Variants in UBE2E2 observed in about 807,000 individuals in gnomAD.
The protein encoded by UBE2E2 is ubiquitin-conjugating enzyme E2 E2.
Under a neutral mutation model 24.7 loss-of-function variants are expected in UBE2E2, and 6 were observed. That is an observed-to-expected ratio of 0.24 (90% CI 0.13 to 0.48). The LOEUF is 0.48. Among genes scored for constraint, UBE2E2 ranks in the 20% least tolerant of loss-of-function variants. The pLI, the probability that UBE2E2 is intolerant of heterozygous loss-of-function variation, is 0.99. For synonymous variants in UBE2E2, 104 were observed against 83.6 expected, an observed-to-expected ratio of 1.24 and a Z score of -1.33; for missense variants, 169 against 245.0, an observed-to-expected ratio of 0.69 and a Z score of 2.07.
intron 3 of UBE2E2, among the ~76,000 whole-genome samples, chr3:23,472,447 AAGGTAC>A (rs1699049295): frequency 6.6e-6 from 1 of 152,166 alleles, no homozygotes; most frequent in Admixed American, 6.5e-5. Flanking sequence ...GCAGAAATAC[AAGGTAC>A]TTCCAAGCAC....
At chr3:23,431,378 T>G (rs1698056906) in intron 3 of UBE2E2, among the ~76,000 whole-genome samples, 1 of 152,204 alleles carries the variant, frequency 6.6e-6, no homozygotes, top group African/African-American at 2.4e-5. Flanking sequence ...TTCCTGAATG[T>G]TTCTGCAGCG....
At chr3:23,434,840 A>T (rs2125403536) in intron 3 of UBE2E2, among the ~76,000 whole-genome samples, 1 of 152,230 alleles carries the variant, frequency 6.6e-6, no homozygotes, top group South Asian at 2.1e-4. Context: ...GAAGCAAGTG[A>T]TTTTTTTCCA....
chr3:23,452,029 G>T (rs1698571281), intron 3 of UBE2E2, among the ~76,000 whole-genome samples: 1 of 152,160 alleles, frequency 6.6e-6, no homozygotes, highest in African/African-American at 2.4e-5. Context: ...ATATGGAAAA[G>T]GTTGGTGGTG....
intron 3 of UBE2E2, among the ~76,000 whole-genome samples, chr3:23,360,079 C>T (rs1000730798): frequency 4.6e-5 from 7 of 152,110 alleles, no homozygotes; most frequent in African/African-American, 1.7e-4. Flanking sequence ...TCTTTCAGAT[C>T]AGAAATAGTA....
At chr3:23,503,925 T>C (rs1694367450) in intron 4 of UBE2E2, among the ~76,000 whole-genome samples, 1 of 152,194 alleles carries the variant, frequency 6.6e-6, no homozygotes, top group Non-Finnish European at 1.5e-5. Flanking sequence ...AAAAGTTTAA[T>C]ATGTAAGTAT....
At chr3:23,273,611 T>A (rs1011960047) in intron 3 of UBE2E2, among the ~76,000 whole-genome samples, 4 of 152,222 alleles carry the variant, frequency 2.6e-5, no homozygotes, top group Non-Finnish European at 4.4e-5. Flanking sequence ...AAAAAAAAAT[T>A]GGTTTCATTA....
chr3:23,469,825 C>T (rs1182334449), intron 3 of UBE2E2, among the ~76,000 whole-genome samples: 3 of 152,132 alleles, frequency 2.0e-5, no homozygotes, highest in Admixed American at 6.6e-5. Flanking sequence ...TATTTGAAGT[C>T]CTCTGATTTC....
rs1448375611 is a variant in UBE2E2 at position 23,589,306 on chromosome 3, G to A, written c.509-428G>A. Reference sequence around the variant, plus strand: ...GTTGTTGCACACACCTGTGGTCCCAGCTACTCAGGAGGCTGAGGCAGGAGG... The same window carrying A: ...GTTGTTGCACACACCTGTGGTCCCAACTACTCAGGAGGCTGAGGCAGGAGG... On this transcript the variant is annotated intron_variant, in intron 5 of 5. Coordinates refer to ENST00000396703, the MANE Select transcript of UBE2E2 (RefSeq NM_152653.4). This position sits in a 1 kb window ranked among gnomAD's most constrained non-coding sequence, Gnocchi z 4.1. Among the ~76,000 whole-genome samples the A allele has an allele frequency of 2.0e-5, 3 of 151,922 alleles. No individual in the cohort carries two copies. Among genetic ancestry groups the A allele is most frequent in the African/African-American group, 7.3e-5 (3 of 41,354 alleles).
intron 4 of UBE2E2, among the ~76,000 whole-genome samples, chr3:23,527,369 A>G (rs1418647927): frequency 6.6e-6 from 1 of 152,244 alleles, no homozygotes; most frequent in African/African-American, 2.4e-5. Context: ...AGATGTTCAT[A>G]GCAGCTTTAT....
At chr3:23,410,601 A>T (rs1327026902) in intron 3 of UBE2E2, among the ~76,000 whole-genome samples, 1 of 152,204 alleles carries the variant, frequency 6.6e-6, no homozygotes, top group Non-Finnish European at 1.5e-5. Context: ...TACTAATTTT[A>T]TTCCCGAAAT....
At chr3:23,534,114 A>C in intron 5 of UBE2E2, 2 of 858,624 alleles carry the variant, frequency 2.3e-6, no homozygotes, top group Non-Finnish European at 2.8e-6. Context: ...TTTGGAGGTA[A>C]TGTTGCAAGA....
At chr3:23,500,685 C>A (rs1164870027) in intron 4 of UBE2E2, among the ~76,000 whole-genome samples, 2 of 152,202 alleles carry the variant, frequency 1.3e-5, no homozygotes. Context: ...CCATGACTTT[C>A]TATAATTCCC....
chr3:23,367,638 G>A (rs868212076), intron 3 of UBE2E2, among the ~76,000 whole-genome samples: 8 of 152,144 alleles, frequency 5.3e-5, no homozygotes, highest in African/African-American at 1.9e-4. Flanking sequence ...GTAAGCTTAA[G>A]TATTTGTGTG....
At chr3:23,440,481 C>T (rs751120355) in intron 3 of UBE2E2, among the ~76,000 whole-genome samples, 1 of 152,156 alleles carries the variant, frequency 6.6e-6, no homozygotes, top group Non-Finnish European at 1.5e-5. Context: ...TTAACATTTA[C>T]ACTTCAAAAT....
At chr3:23,465,369 A>G (rs868464780) in intron 3 of UBE2E2, among the ~76,000 whole-genome samples, 3 of 152,212 alleles carry the variant, frequency 2.0e-5, no homozygotes, top group Non-Finnish European at 4.4e-5. Context: ...AGCTTATCCC[A>G]TATTAAAGCA....
At chr3:23,269,473 G>T (rs776358438) in intron 3 of UBE2E2, among the ~76,000 whole-genome samples, 3 of 152,200 alleles carry the variant, frequency 2.0e-5, no homozygotes, top group African/African-American at 4.8e-5. Context: ...AGGGCACTCA[G>T]AGACTGGACT....
intron 3 of UBE2E2, among the ~76,000 whole-genome samples, chr3:23,480,545 G>A (rs997545033): frequency 2.6e-5 from 4 of 151,332 alleles, no homozygotes; most frequent in Admixed American, 2.0e-4. Context: ...CCCTCGCTGC[G>A]CCTCCCCCAC....
intron 3 of UBE2E2, among the ~76,000 whole-genome samples, chr3:23,300,321 T>C (rs1463178012): frequency 2.6e-5 from 4 of 152,196 alleles, no homozygotes; most frequent in Non-Finnish European, 5.9e-5. Flanking sequence ...TTTGATCCTG[T>C]CATTATGATG....
At chr3:23,341,500 A>G (rs1575572145) in intron 3 of UBE2E2, among the ~76,000 whole-genome samples, 1 of 152,196 alleles carries the variant, frequency 6.6e-6, no homozygotes, top group East Asian at 1.9e-4. Flanking sequence ...GTCTTCACCT[A>G]GAATCTTCAA....
Sources: gnomAD v4.1 joint callset for allele counts (sites outside exome capture counted in the v4.1 genomes callset) on GRCh38, gnomAD v4.1.1 for gene constraint, Gnocchi (gnomAD v3.1) non-coding constraint, MANE v1.5 for transcripts, NCBI Gene and HGNC (gene_info 2026-07-23, HGNC 2026-07-21) for gene names.